The following ZNF19 variants were observed in gnomAD, a reference collection of about 807,000 sequenced individuals.
ZNF19 encodes zinc finger protein 19 (KOX 12).
ZNF19 carries 11 observed loss-of-function variants against 13.1 expected under a neutral mutation model. That is an observed-to-expected ratio of 0.84 (90% confidence interval 0.53 to 1.39). ZNF19 has a LOEUF of 1.39. ZNF19 is among the 40% of genes most tolerant of loss of function. The pLI is 0.00. For missense variants in ZNF19, 560 were observed against 547.0 expected (o/e 1.02, Z -0.24); for synonymous variants, 186 against 187.0 (o/e 0.99, Z 0.04).
At chr16:71,482,720 T>G (rs2043645583) in intron 2 of ZNF19, among the ~76,000 whole-genome samples, 1 of 152,120 alleles carries the variant, frequency 6.6e-6, no homozygotes, top group African/African-American at 2.4e-5. Context: ...GTTTGTTTGT[T>G]GAGACAAGAA....
chr16:71,479,422 A>T (rs1475695667), intron 3 of ZNF19, among the ~76,000 whole-genome samples: 2 of 152,168 alleles, frequency 1.3e-5, no homozygotes, highest in East Asian at 3.9e-4. Context: ...CCCTATTCTC[A>T]GCCAATCTAT....
rs1009772638 is a variant in ZNF19, at chr16:71,475,649, G to T, written c.898C>A (p.Pro300Thr). ...TTGCCACACTCATTACACTCATAGG[G>T]TTTCTCTCCAGTGTGGATTTTCTGA... is the stretch of plus-strand genomic sequence containing the variant. Reference protein sequence around the residue: ...RHQKIHTGEKPYECNECGKSF... With the variant: ...RHQKIHTGEKTYECNECGKSF... The change falls in exon 6 of 6, where the codon CCC (proline) becomes ACC (threonine). Residue 300 changes from proline (P) to threonine (T), a missense_variant. Pro to Thr is a conservative substitution (Grantham distance 38, BLOSUM62 -1). Coordinates refer to ENST00000288177, the MANE Select transcript of ZNF19 (RefSeq NM_006961.4). The T allele has an allele frequency of 2.5e-6, 4 of 1,612,690 alleles. No homozygotes were observed. The highest frequency in any genetic ancestry group is 3.4e-6 in the Non-Finnish European group (4 of 1,178,944).
intron 3 of ZNF19, among the ~76,000 whole-genome samples, chr16:71,481,698 G>T (rs146513844): frequency 1.3e-5 from 2 of 152,112 alleles, no homozygotes; most frequent in African/African-American, 2.4e-5. Flanking sequence ...TCTTCCTGCT[G>T]TCCCTCTGCT....
intron 1 of ZNF19, chr16:71,487,240 G>T (rs1293255510): frequency 6.6e-6 from 1 of 152,180 alleles, no homozygotes; most frequent in African/African-American, 2.4e-5. Flanking sequence ...CCCCCTTGCT[G>T]TTCTCGTGAT....
chr16:71,486,938 A>C (rs1345898759), intron 1 of ZNF19: 1 of 152,216 alleles, frequency 6.6e-6, no homozygotes, highest in Non-Finnish European at 1.5e-5. Flanking sequence ...GGAACACTAA[A>C]ATTAAAAACA....
At position 71,478,332 on chromosome 16, in the gene ZNF19, A is replaced by G. The variant is rs753809779; in HGVS notation, c.170T>C (p.Val57Ala). 1.9e-6 allele frequency: 3 copies of G among 1,613,004 alleles called. No homozygotes were observed. The South Asian group carries it at 3.3e-5, about 18-fold the overall frequency. ...AAGTGAGATCAGTGCAGGTTTGGGA[A>G]CTGGGTACCCTGAAAACAGGAAGAA... ...FGNLTALGYP[V>A]PKPALISLLE... The change falls in exon 5 of 6, where the codon GTT becomes GCT. Residue 57 changes from valine to alanine, a missense_variant. Transcript: ENST00000288177.
chr16:71,482,278 CT>C (rs900619862), intron 2 of ZNF19, 135 bp from the exon 3 acceptor site: 40 of 710,952 alleles, frequency 5.6e-5, no homozygotes, highest in Middle Eastern at 2.9e-4. Context: ...TAAATATGTA[CT>C]TTTTAATCCA....
intron 3 of ZNF19, among the ~76,000 whole-genome samples, chr16:71,479,723 T>C (rs962485888): frequency 5.9e-5 from 9 of 152,204 alleles, no homozygotes; most frequent in Non-Finnish European, 1.2e-4. Flanking sequence ...CAATCTGTAA[T>C]AGCTTCTGCC....
At position 71,475,814 on chromosome 16, in the gene ZNF19, A is replaced by AGGGT. The variant is rs770410989; in HGVS notation, c.729_732dup (p.Tyr245ThrfsTer10). The AGGGT allele has an allele frequency of 2.5e-6, 4 of 1,612,766 alleles. No individual in the cohort carries two copies. In the South Asian group the frequency reaches 4.4e-5, roughly 18 times the overall value. On this transcript the variant is annotated frameshift_variant, in exon 6 of 6. Transcript: ENST00000288177. LOFTEE classifies it low-confidence loss of function (END_TRUNC). ...CTATTCCCACACTCTGTACAGTAAT[A>AGGGT]GGGTCTGTCCCCACTGTGGATTCTC...
At chr16:71,486,175 T>A (rs1302254120) in intron 1 of ZNF19, among the ~76,000 whole-genome samples, 3 of 118,236 alleles carry the variant, frequency 2.5e-5, no homozygotes, top group African/African-American at 1.1e-4. Context: ...AAACCCTGTC[T>A]CTACCGAAAA....
intron 3 of ZNF19, among the ~76,000 whole-genome samples, chr16:71,480,555 G>A (rs573004849): frequency 5.3e-5 from 8 of 152,106 alleles, no homozygotes; most frequent in Non-Finnish European, 7.3e-5. Flanking sequence ...TATTACCTAC[G>A]TTATTTCTGG....
chr16:71,481,253 G>A (rs1303002583), intron 3 of ZNF19, among the ~76,000 whole-genome samples: 1 of 152,154 alleles, frequency 6.6e-6, no homozygotes, highest in African/African-American at 2.4e-5. Context: ...GACACAGTCA[G>A]GTAGAGAAAA....
rs748591073 is a variant in ZNF19, at chr16:71,475,253, C to G, written c.1294G>C (p.Glu432Gln). 6.2e-7 allele frequency: 1 copy of G among 1,614,202 alleles called. No homozygotes were observed. The highest frequency in any genetic ancestry group is 8.5e-7 in the Non-Finnish European group (1 of 1,180,034). Residue 432 changes from glutamate (E) to glutamine (Q), a missense_variant, in exon 6 of 6, where the codon GAG becomes CAG. Physicochemically the swap from Glu to Gln is conservative, Grantham distance 29 (BLOSUM62 2). Transcript: ENST00000288177. ...GGCTTCTCTCCAGAGTAGACATGCT[C>G]AAGGTGACCTAGCTGGGAAGAAGTC... ...FGTSSQLGHL[E>Q]HVYSGEKPVL...
At chr16:71,479,164 T>A in intron 3 of ZNF19, 159 bp from the exon 4 acceptor site, 2 of 906,046 alleles carry the variant, frequency 2.2e-6, no homozygotes, top group Non-Finnish European at 3.4e-6. Context: ...TATGACTATT[T>A]TTACAACGAA....
At chr16:71,479,060 G>T in intron 3 of ZNF19, 55 bp from the exon 4 acceptor site, 2 of 1,613,544 alleles carry the variant, frequency 1.2e-6, no homozygotes, top group Non-Finnish European at 1.7e-6. Flanking sequence ...CCGGGCCAGA[G>T]TGTGGGGCAG....
chr16:71,475,649 GT>G lies in ZNF19; in HGVS notation c.897del (p.Lys299AsnfsTer18). ...LRHQKIHTGE[K>X]PYECNECGKS... The stretch of plus-strand genomic sequence containing the variant: ...TTGCCACACTCATTACACTCATAGG[GT>G]TTCTCTCCAGTGTGGATTTTCTGAT... On this transcript the variant is annotated frameshift_variant, in exon 6 of 6. Coordinates refer to ENST00000288177, the MANE Select transcript of ZNF19 (RefSeq NM_006961.4). LOFTEE classifies it low-confidence loss of function (END_TRUNC). The G allele has an allele frequency of 6.2e-7, 1 of 1,612,690 alleles. No individual in the cohort carries two copies. The highest frequency in any genetic ancestry group is 8.5e-7 in the Non-Finnish European group (1 of 1,178,944).
At chr16:71,476,813 G>A (rs1251171563) in intron 5 of ZNF19, among the ~76,000 whole-genome samples, 1 of 152,238 alleles carries the variant, frequency 6.6e-6, no homozygotes, top group Non-Finnish European at 1.5e-5. Flanking sequence ...AGTGCTTAGA[G>A]AGTATTATTC....
intron 5 of ZNF19, chr16:71,477,869 T>C (rs1033953550): frequency 5.4e-6 from 1 of 186,534 alleles, no homozygotes; most frequent in African/African-American, 2.4e-5. Context: ...CTTAATACTT[T>C]TCTTTTTCGC....
chr16:71,482,991 C>T (rs2043647451), intron 2 of ZNF19, among the ~76,000 whole-genome samples: 1 of 152,276 alleles, frequency 6.6e-6, no homozygotes. Flanking sequence ...GCGTGAGGCA[C>T]CGCCTCCTGC....
Sources: allele counts gnomAD v4.1 joint callset (sites outside exome capture counted in the v4.1 genomes callset), GRCh38; gene constraint gnomAD v4.1.1; transcripts MANE v1.5; gene names NCBI Gene and HGNC (gene_info 2026-07-23, HGNC 2026-07-21).